THAP4: variants seen among roughly 807,000 people sequenced by gnomAD.
THAP4 encodes the protein peroxynitrite isomerase THAP4.
THAP4 carries 18 observed loss-of-function variants against 48.1 expected under a neutral mutation model. The ratio of observed to expected loss-of-function variants is 0.37; its 90% confidence interval spans 0.26 to 0.56. THAP4 has a LOEUF of 0.56. THAP4 is among the 20% of genes least tolerant of loss of function. THAP4 has a pLI of 0.78. For synonymous variants in THAP4, 345 were observed against 324.9 expected, an observed-to-expected ratio of 1.06 and a Z score of -0.66; for missense variants, 656 against 774.9, an observed-to-expected ratio of 0.85 and a Z score of 1.82.
chr2:241,590,028 G>A (rs2066939127), intron 5 of THAP4, among the ~76,000 whole-genome samples: 1 of 145,140 alleles, frequency 6.9e-6, no homozygotes, highest in East Asian at 2.0e-4. Context: ...CTGCTCGGCT[G>A]ACGATGACGG....
chr2:241,633,832 T>C lies in THAP4; in HGVS notation c.325A>G (p.Thr109Ala). The C allele has an allele frequency of 6.2e-7, 1 of 1,613,820 alleles. No homozygotes were observed. ...RTRRKDASKA[T>A]GGVRGHSSAA... ...CTCGAGTGTCCCCTCACACCCCCTG[T>C]GGCCTTGCTGGCATCTTTTCTCCGG... Residue 109 changes from threonine to alanine, a missense_variant, in exon 2 of 6, where the codon ACA (threonine) becomes GCA (alanine). This residue lies in a region of THAP4 where 391 missense variants were observed against 412.4 expected (regional missense o/e 0.95). Coordinates refer to ENST00000407315, the MANE Select transcript of THAP4 (RefSeq NM_015963.6). The surrounding 1 kb of genome is among the most constrained non-coding windows in gnomAD (Gnocchi z 7.5).
rs1484086892 is a variant in THAP4 at position 241,624,468 on chromosome 2, A to G, written c.1240+8449T>C. On this transcript the variant is annotated intron_variant, in intron 2 of 5. Transcript: ENST00000407315. ...CGCCACTGTACTCCAGCCTGGCAAC[A>G]CAGTGAGACTCTTTCTCAAAAAAAA... Among the ~76,000 whole-genome samples the G allele has an allele frequency of 2.0e-5, 3 of 151,692 alleles. No individual in the cohort carries two copies. In the South Asian group the frequency reaches 6.3e-4, roughly 32 times the overall value.
At position 241,601,994 on chromosome 2, in the gene THAP4, C is replaced by A; in HGVS notation, c.1516G>T (p.Val506Leu). 6.2e-7 allele frequency: 1 copy of A among 1,611,256 alleles called. No individual in the cohort carries two copies. The highest frequency in any genetic ancestry group is 8.5e-7 in the Non-Finnish European group (1 of 1,179,442). Reference sequence around the variant, plus strand: ...TTCACCTCGCCCTCCTCCACTTCCACCACGCCTGCAAGGGAAGGGCAGTCA... The same window carrying A: ...TTCACCTCGCCCTCCTCCACTTCCAACACGCCTGCAAGGGAAGGGCAGTCA... ...AFVSAQNTGVVEVEEGEVNGQ... is the reference protein window; with the variant it reads ...AFVSAQNTGVLEVEEGEVNGQ... The change falls in exon 5 of 6, where the codon GTG (valine) becomes TTG (leucine). Residue 506 changes from valine (V) to leucine (L), a missense_variant. By Grantham distance (32) the Val-to-Leu change is conservative. Coordinates refer to ENST00000407315, the MANE Select transcript of THAP4 (RefSeq NM_015963.6). The surrounding 1 kb of genome is among the most constrained non-coding windows in gnomAD (Gnocchi z 4.0).
At chr2:241,602,166 G>A (rs541767873) in intron 4 of THAP4, 167 bp from the exon 5 acceptor site, 4 of 663,036 alleles carry the variant, frequency 6.0e-6, no homozygotes, top group African/African-American at 5.4e-5. Flanking sequence ...GATACGGAGG[G>A]AAAGCCACAA....
chr2:241,625,797 CAAAAAAAAAA>C (rs147602587), intron 2 of THAP4, among the ~76,000 whole-genome samples: 5 of 50,156 alleles, frequency 1.0e-4, no homozygotes, highest in Admixed American at 6.9e-4. Flanking sequence ...GACTCCGTCT[CAAAAAAAAAA>C]AAAAAAAAAA....
At chr2:241,617,462 T>C in intron 2 of THAP4, 3 of 1,550,822 alleles carry the variant, frequency 1.9e-6, no homozygotes, top group Non-Finnish European at 2.6e-6. Context: ...TCCTCAAGGT[T>C]GTTTTCTGCC....
chr2:241,634,427 AG>A (rs1354737081), intron 1 of THAP4, among the ~76,000 whole-genome samples: 1 of 152,230 alleles, frequency 6.6e-6, no homozygotes, highest in East Asian at 1.9e-4. Flanking sequence ...AATAGCTCCT[AG>A]AAGCTGACTG....
At chr2:241,632,265 G>A (rs917638208) in intron 2 of THAP4, among the ~76,000 whole-genome samples, 1 of 152,116 alleles carries the variant, frequency 6.6e-6, no homozygotes, top group Non-Finnish European at 1.5e-5. Flanking sequence ...GCTAGTTTTT[G>A]TATGTTTTAG....
rs745698355 is a variant in THAP4, at chr2:241,633,580, A to C, written c.577T>G (p.Ser193Ala). 4 of 1,613,356 alleles carry C rather than the reference A, an allele frequency of 2.5e-6. No individual in the cohort carries two copies. Among genetic ancestry groups the C allele is most frequent in the Non-Finnish European group, 3.4e-6 (4 of 1,179,826 alleles). The change falls in exon 2 of 6, where the codon TCT (serine) becomes GCT (alanine). Residue 193 changes from serine (S) to alanine (A), a missense_variant. This residue lies in a region of THAP4 where 391 missense variants were observed against 412.4 expected (regional missense o/e 0.95). Transcript: ENST00000407315. The surrounding 1 kb of genome is among the most constrained non-coding windows in gnomAD (Gnocchi z 7.5). ...VAGSQGKAEA[S>A]ATDAGDESAT... ...CTCTCATCGCCAGCATCTGTGGCAG[A>C]CGCTTCTGCTTTTCCCTGACTGCCT...
At chr2:241,590,887 G>T (rs35117865) in intron 5 of THAP4, among the ~76,000 whole-genome samples, 1 of 138,944 alleles carries the variant, frequency 7.2e-6, no homozygotes, top group African/African-American at 2.6e-5. Context: ...GGCTGACGAT[G>T]ATGGGCACTA....
chr2:241,585,089 T>C (rs2066877532), intron 5 of THAP4: 1 of 207,186 alleles, frequency 4.8e-6, no homozygotes, highest in South Asian at 8.1e-5. Flanking sequence ...ACAAATCATA[T>C]ACCTGATCAG....
intron 2 of THAP4, among the ~76,000 whole-genome samples, chr2:241,620,325 CGGTGAGTGAGTCAGTGAGTGAGG>C (rs2067411525): frequency 2.5e-5 from 1 of 39,474 alleles, no homozygotes; most frequent in Non-Finnish European, 4.5e-5. Context: ...GTGAGTGAGT[CGGTGAGTGAGTCAGTGAGTGAGG>C]GGTGAGTGAG....
intron 3 of THAP4, among the ~76,000 whole-genome samples, chr2:241,604,771 T>C (rs1482607188): frequency 6.6e-6 from 1 of 152,004 alleles, no homozygotes; most frequent in African/African-American, 2.4e-5. Flanking sequence ...TTGCCCAGGC[T>C]GGTCTTGGAC....
chr2:241,627,732 C>T (rs1286233541), intron 2 of THAP4, among the ~76,000 whole-genome samples: 3 of 152,304 alleles, frequency 2.0e-5, no homozygotes, highest in South Asian at 2.1e-4. Flanking sequence ...CCAGGGCCTG[C>T]GACGCCGGCG....
Position 241,612,303 on chromosome 2 carries a change from C to T in THAP4, c.1241-5830G>A, listed in dbSNP as rs1224864140. The stretch of plus-strand genomic sequence containing the variant: ...AGAAATGGAAACAAAGTTAGAAGGA[C>T]GGGAACGCCTGGCACACTGCTGATG... On this transcript the variant is annotated intron_variant, in intron 2 of 5. Transcript: ENST00000407315. This position sits in a 1 kb window ranked among gnomAD's most constrained non-coding sequence, Gnocchi z 4.1. Among the ~76,000 whole-genome samples, 3 of 152,082 alleles carry T rather than the reference C, an allele frequency of 2.0e-5. No individual in the cohort carries two copies. The highest frequency in any genetic ancestry group is 7.2e-5 in the African/African-American group (3 of 41,406).
chr2:241,600,986 A>AG (rs1376687005), intron 5 of THAP4, among the ~76,000 whole-genome samples: 1 of 151,930 alleles, frequency 6.6e-6, no homozygotes, highest in East Asian at 1.9e-4. Context: ...AAAAAAAAAA[A>AG]AGGACAATCT....
Position 241,633,227 on chromosome 2 carries a change from C to T in THAP4, c.930G>A (p.Lys310=), listed in dbSNP as rs1167258025. ...CGCTCTGCACGGCTTCCGTGGCTGG[C>T]TTTGGGGTGACGTCGGCAGGAGGGG... ...PSAPPADVTP[K]PATEAVQSEH... Residue 310 remains lysine, a synonymous_variant, in exon 2 of 6, where the codon AAG becomes AAA. Coordinates refer to ENST00000407315, the MANE Select transcript of THAP4 (RefSeq NM_015963.6). This position sits in a 1 kb window ranked among gnomAD's most constrained non-coding sequence, Gnocchi z 7.5. 6.2e-7 allele frequency: 1 copy of T among 1,609,524 alleles called. No homozygotes were observed. The highest frequency in any genetic ancestry group is 1.1e-5 in the South Asian group (1 of 90,886).
chr2:241,593,620 T>G (rs1043903560), intron 5 of THAP4, among the ~76,000 whole-genome samples: 2 of 152,232 alleles, frequency 1.3e-5, no homozygotes, highest in African/African-American at 4.8e-5. Flanking sequence ...TCTCTACCAG[T>G]GGCCGTGGAT....
chr2:241,614,487 G>A (rs540983781), intron 2 of THAP4, among the ~76,000 whole-genome samples: 2 of 152,310 alleles, frequency 1.3e-5, no homozygotes, highest in African/African-American at 4.8e-5. Context: ...AAATGAAATT[G>A]CAATTCACCT....
Sources: allele counts gnomAD v4.1 joint callset (sites outside exome capture counted in the v4.1 genomes callset), GRCh38; gene constraint gnomAD v4.1.1; regional missense constraint gnomAD v4.1.1; non-coding constraint Gnocchi (gnomAD v3.1); transcripts MANE v1.5; gene names NCBI Gene and HGNC (gene_info 2026-07-23, HGNC 2026-07-21).